The following MBD2 variants were observed in gnomAD, a reference collection of about 807,000 sequenced individuals.
MBD2 encodes the protein methyl-CpG-binding domain protein 2.
In MBD2, 9 loss-of-function variants were observed where a neutral mutation model predicts 39.3. The ratio of observed to expected loss-of-function variants is 0.23; its 90% CI spans 0.14 to 0.40. The LOEUF is 0.40. Among genes scored for constraint, MBD2 ranks in the 10% least tolerant of loss-of-function variants. The pLI, the probability that MBD2 is intolerant of heterozygous loss-of-function variation, is 1.00. For missense variants in MBD2, 458 were observed against 532.6 expected (o/e 0.86, Z 1.38); for synonymous variants, 233 against 211.1 (o/e 1.10, Z -0.90).
At chr18:54,219,103 T>C (rs917572087) in intron 1 of MBD2, among the ~76,000 whole-genome samples, 3 of 152,196 alleles carry the variant, frequency 2.0e-5, no homozygotes, top group Admixed American at 1.3e-4. Context: ...CTATACCCGA[T>C]GTTACACAGT....
At chr18:54,207,827 G>C (rs925277083) in intron 1 of MBD2, among the ~76,000 whole-genome samples, 12 of 150,998 alleles carry the variant, frequency 7.9e-5, no homozygotes, top group African/African-American at 2.7e-4. Flanking sequence ...CACGAGGTCA[G>C]AAGATCGAGA....
At chr18:54,216,501 G>A (rs1210058896) in intron 1 of MBD2, among the ~76,000 whole-genome samples, 13 of 152,184 alleles carry the variant, frequency 8.5e-5, no homozygotes, top group Non-Finnish European at 4.4e-5. Flanking sequence ...CACAGCTCCT[G>A]ACACTGAGGA....
intron 2 of MBD2, among the ~76,000 whole-genome samples, chr18:54,189,216 T>C (rs1010720829): frequency 1.3e-5 from 2 of 149,562 alleles, no homozygotes; most frequent in Non-Finnish European, 3.0e-5. Flanking sequence ...GAAAAACTTT[T>C]TGTATACTTT....
Position 54,224,464 on chromosome 18 carries a change from T to A in MBD2, c.96A>T (p.Ile32=), listed in dbSNP as rs780239962. ...GGSGAGGDSA[I]EQGGQGSALA... ...GCGCGCTGCCCTGGCCCCCCTGCTC[T>A]ATGGCGGAGTCGCCGCCAGCGCCGC... The change falls in exon 1 of 7, where the codon ATA becomes ATT. Residue 32 remains isoleucine (I), a synonymous_variant. Transcript: ENST00000256429. 10 of 1,227,526 alleles carry A rather than the reference T, an allele frequency of 8.1e-6. No individual in the cohort carries two copies. Among genetic ancestry groups the A allele is most frequent in the African/African-American group, 8.0e-5 (5 of 62,816 alleles). 76.0% of individuals were successfully genotyped at this position (1,227,526 alleles called of 1,614,324 possible). A position where few individuals can be genotyped will look rare whatever the true frequency, so the allele number is the denominator to read the frequency against.
intron 2 of MBD2, among the ~76,000 whole-genome samples, chr18:54,204,654 G>T (rs1170496659): frequency 6.6e-6 from 1 of 152,138 alleles, no homozygotes; most frequent in Non-Finnish European, 1.5e-5. Context: ...AAACTATGGG[G>T]TGAAGATACC....
At position 54,151,851 on chromosome 18, in the gene MBD2, C is replaced by A. The variant is rs1436717770; in HGVS notation, c.*3473G>T. On this transcript the variant is annotated 3_prime_UTR_variant, in exon 7 of 7. Coordinates refer to ENST00000256429, the MANE Select transcript of MBD2 (RefSeq NM_003927.5). ...AGACCAAAAAAAAAAAAAAAAACAC[C>A]CTGGAAGCCACCAAGGGCATTTCTT... 6.7e-6 allele frequency: 1 copy of A among 149,200 alleles called. No individual in the cohort carries two copies. The highest frequency in any genetic ancestry group is 2.5e-5 in the African/African-American group (1 of 40,780). The allele number at this position is 149,200 out of a possible 1,614,324, so 9.2% of individuals were successfully genotyped here.
At chr18:54,180,890 A>ATTTTT (rs1568083459) in intron 3 of MBD2, among the ~76,000 whole-genome samples, 4 of 114,568 alleles carry the variant, frequency 3.5e-5, no homozygotes, top group African/African-American at 1.5e-4. Context: ...GTATTCCTTA[A>ATTTTT]TTTTTTCTTT....
intron 2 of MBD2, among the ~76,000 whole-genome samples, chr18:54,189,223 C>CTTTTTTTTT (rs369129707): frequency 7.5e-6 from 1 of 133,944 alleles, no homozygotes; most frequent in Non-Finnish European, 1.6e-5. Flanking sequence ...TTTTTGTATA[C>CTTTTTTTTT]TTTTTTTTTT....
chr18:54,215,312 C>T (rs1290188388), intron 1 of MBD2, among the ~76,000 whole-genome samples: 1 of 152,138 alleles, frequency 6.6e-6, no homozygotes, highest in Non-Finnish European at 1.5e-5. Flanking sequence ...GAATCTGGTA[C>T]TAAGAAGTTG....
intron 3 of MBD2, among the ~76,000 whole-genome samples, chr18:54,175,847 A>C (rs599482): frequency 0.85 from 129,923 of 152,234 alleles, 55,886 homozygotes; most frequent in East Asian, 1. Context: ...GACTGAAGAC[A>C]TTTTGTGATG....
chr18:54,171,321 C>T (rs892558835), intron 3 of MBD2, among the ~76,000 whole-genome samples: 1 of 151,824 alleles, frequency 6.6e-6, no homozygotes, highest in Non-Finnish European at 1.5e-5. Context: ...CACTTGAACC[C>T]AGGAGGTGGA....
At position 54,224,226 on chromosome 18, in the gene MBD2, C is replaced by CGCT; in HGVS notation, c.333_334insAGC (p.Cys111_Gly112insSer). On this transcript the variant is annotated inframe_insertion, in exon 1 of 7. Coordinates refer to ENST00000256429, the MANE Select transcript of MBD2 (RefSeq NM_003927.5). ...CCGCCGCCACCGCTGCCGCCGCCGC[C>CGCT]GCAGCCGCCGCCGTCGCCGCCAAGG... is the stretch of plus-strand genomic sequence containing the variant. 1 of 1,047,902 alleles carries CGCT rather than the reference C, an allele frequency of 9.5e-7. No homozygotes were observed. Among genetic ancestry groups the CGCT allele is most frequent in the Non-Finnish European group, 1.1e-6 (1 of 870,972 alleles). 64.9% of individuals were successfully genotyped at this position (1,047,902 alleles called of 1,614,324 possible).
intron 1 of MBD2, among the ~76,000 whole-genome samples, chr18:54,218,590 C>T (rs1157409095): frequency 1.3e-5 from 2 of 152,120 alleles, no homozygotes; most frequent in Non-Finnish European, 2.9e-5. Context: ...CTGTACAACC[C>T]CAAGCACACT....
chr18:54,165,278 A>G (rs2086123386), intron 4 of MBD2, among the ~76,000 whole-genome samples: 1 of 152,210 alleles, frequency 6.6e-6, no homozygotes, highest in Admixed American at 6.5e-5. Context: ...CTAACAAAAT[A>G]TCCAAAATCA....
At chr18:54,189,682 C>A (rs1162482766) in intron 2 of MBD2, among the ~76,000 whole-genome samples, 1 of 152,150 alleles carries the variant, frequency 6.6e-6, no homozygotes, top group Non-Finnish European at 1.5e-5. Context: ...CAGGGTCTCA[C>A]TCTGTTGCCC....
intron 2 of MBD2, among the ~76,000 whole-genome samples, chr18:54,197,310 T>C (rs1004556530): frequency 1.3e-5 from 2 of 152,228 alleles, no homozygotes; most frequent in African/African-American, 2.4e-5. Context: ...TTCTATACTA[T>C]TCCTTATGCT....
chr18:54,188,375 G>A (rs2086298138), intron 3 of MBD2, among the ~76,000 whole-genome samples: 1 of 151,972 alleles, frequency 6.6e-6, no homozygotes, highest in African/African-American at 2.4e-5. Flanking sequence ...AAATTGAATT[G>A]GTACAAAAAT....
At chr18:54,172,728 T>A (rs1209052945) in intron 3 of MBD2, among the ~76,000 whole-genome samples, 1 of 152,204 alleles carries the variant, frequency 6.6e-6, no homozygotes, top group Admixed American at 6.5e-5. Context: ...CGGGAATATC[T>A]AACTTATTAG....
chr18:54,215,489 ATT>A (rs1322093635), intron 1 of MBD2, among the ~76,000 whole-genome samples: 13 of 139,218 alleles, frequency 9.3e-5, no homozygotes, highest in Admixed American at 1.4e-4. Flanking sequence ...CTGAGGATAG[ATT>A]TTTTTTTTTT....
Sources: allele counts gnomAD v4.1 joint callset (sites outside exome capture counted in the v4.1 genomes callset), GRCh38; gene constraint gnomAD v4.1.1; transcripts MANE v1.5; gene names NCBI Gene and HGNC (gene_info 2026-07-23, HGNC 2026-07-21).